KCNMA1: variants seen among roughly 807,000 people sequenced by gnomAD.
KCNMA1 encodes the protein potassium calcium-activated channel subfamily M alpha 1.
Under a neutral mutation model 140.0 loss-of-function variants are expected in KCNMA1, and 29 were observed. The ratio of observed to expected loss-of-function variants is 0.21; its 90% CI spans 0.15 to 0.28. The LOEUF (loss-of-function observed/expected upper bound fraction) is 0.28, where lower values mean the gene tolerates loss of function less well. KCNMA1 is among the 10% of genes least tolerant of loss of function. The pLI, the probability that KCNMA1 is intolerant of heterozygous loss-of-function variation, is 1.00. For missense variants in KCNMA1, 880 were observed against 1,602.2 expected (o/e 0.55, Z 7.70); for synonymous variants, 612 against 611.9 (o/e 1.00, Z 0.00).
intron 5 of KCNMA1, among the ~76,000 whole-genome samples, chr10:77,171,022 G>T (rs950544026): frequency 6.6e-6 from 1 of 152,140 alleles, no homozygotes; most frequent in African/African-American, 2.4e-5. Flanking sequence ...AAATAGCAAG[G>T]TTTACTCTAA....
intron 13 of KCNMA1, among the ~76,000 whole-genome samples, chr10:77,076,283 C>G (rs1242205027): frequency 6.6e-6 from 1 of 152,132 alleles, no homozygotes; most frequent in African/African-American, 2.4e-5. Context: ...AATAAAAAAT[C>G]CACTGAGAGG....
At chr10:77,049,540 A>C (rs190389259) in intron 14 of KCNMA1, among the ~76,000 whole-genome samples, 1 of 152,350 alleles carries the variant, frequency 6.6e-6, no homozygotes, top group African/African-American at 2.4e-5. Flanking sequence ...CCTTAAAGGA[A>C]GAGCTGTCTT....
downstream of KCNMA1, among the ~76,000 whole-genome samples, chr10:76,883,543 G>A (rs995439538): frequency 1.3e-5 from 2 of 152,158 alleles, no homozygotes; most frequent in African/African-American, 4.8e-5. Context: ...AGGCTTCACC[G>A]TGCCTTCTGG....
chr10:77,009,670 C>T (rs1489269154), intron 18 of KCNMA1, among the ~76,000 whole-genome samples: 4 of 152,162 alleles, frequency 2.6e-5, no homozygotes, highest in Non-Finnish European at 5.9e-5. Flanking sequence ...AATCTCATCT[C>T]ATACTACCCT....
At chr10:77,240,341 G>A (rs1387463200) in intron 3 of KCNMA1, among the ~76,000 whole-genome samples, 4 of 152,114 alleles carry the variant, frequency 2.6e-5, no homozygotes, top group East Asian at 1.9e-4. Flanking sequence ...TATTTGCCTC[G>A]AGAAAAATGG....
intron 5 of KCNMA1, among the ~76,000 whole-genome samples, chr10:77,170,565 GAGGCTCCATCCCTGGGAGAACA>G (rs1207205996): frequency 1.1e-4 from 17 of 151,054 alleles, no homozygotes; most frequent in Non-Finnish European, 1.5e-5. Flanking sequence ...GGTCAGAGGT[GAGGCTCCATCCCTGGGAGAACA>G]TCGGAGGTGA....
At chr10:77,280,658 C>G (rs992525925) in intron 2 of KCNMA1, among the ~76,000 whole-genome samples, 1 of 151,426 alleles carries the variant, frequency 6.6e-6, no homozygotes, top group East Asian at 2.0e-4. Flanking sequence ...TCCTGAGTAG[C>G]TGGGACTACA....
At chr10:77,414,339 C>T (rs554903849) in intron 1 of KCNMA1, among the ~76,000 whole-genome samples, 11 of 152,270 alleles carry the variant, frequency 7.2e-5, no homozygotes, top group African/African-American at 2.6e-4. Flanking sequence ...AGGTTCAAAG[C>T]TGCTCTCCCA....
intron 2 of KCNMA1, 150 bp from the exon 3 acceptor site, chr10:77,251,406 T>G (rs1247011991): frequency 8.5e-6 from 6 of 709,838 alleles, no homozygotes; most frequent in Non-Finnish European, 1.5e-5. Context: ...AGCCCCCCAT[T>G]ACTGCTTCAG....
chr10:77,481,262 A>C (rs1231045446), intron 1 of KCNMA1, among the ~76,000 whole-genome samples: 1 of 152,200 alleles, frequency 6.6e-6, no homozygotes, highest in African/African-American at 2.4e-5. Context: ...CCAGAGTCTA[A>C]CTGAAAAATG....
At chr10:77,283,936 G>A (rs1366405755) in intron 2 of KCNMA1, among the ~76,000 whole-genome samples, 1 of 152,214 alleles carries the variant, frequency 6.6e-6, no homozygotes, top group Non-Finnish European at 1.5e-5. Context: ...ACTGGAGCTG[G>A]CATCTGAAGA....
chr10:76,886,545 A>T lies in KCNMA1; in HGVS notation c.*721T>A. On this transcript the variant is annotated 3_prime_UTR_variant, in exon 28 of 28. Transcript: ENST00000286628. The stretch of plus-strand genomic sequence containing the variant: ...ATGACTAGAATTTGATACATCCATG[A>T]TTGGAATACTATTCTCTCCTCCATA... 3 of 985,572 alleles carry T rather than the reference A, an allele frequency of 3.0e-6. No individual in the cohort carries two copies. The highest frequency in any genetic ancestry group is 3.6e-6 in the Non-Finnish European group (3 of 830,060). 61.1% of individuals were successfully genotyped at this position (985,572 alleles called of 1,614,324 possible).
At chr10:77,578,328 C>A (rs1375810711) in intron 1 of KCNMA1, among the ~76,000 whole-genome samples, 1 of 152,192 alleles carries the variant, frequency 6.6e-6, no homozygotes, top group African/African-American at 2.4e-5. Context: ...GCCCGGTGGC[C>A]AAGGGACTCA....
intron 2 of KCNMA1, among the ~76,000 whole-genome samples, chr10:77,269,771 G>A (rs577994935): frequency 3.9e-5 from 6 of 152,244 alleles, no homozygotes; most frequent in Middle Eastern, 3.4e-3. Flanking sequence ...GCAGCTACCT[G>A]GTCTTCAATG....
At chr10:77,420,779 G>A (rs531593464) in intron 1 of KCNMA1, among the ~76,000 whole-genome samples, 61 of 152,274 alleles carry the variant, frequency 4.0e-4, no homozygotes, top group African/African-American at 1.2e-3. Context: ...GCAGGAGGGA[G>A]GCCAAGCATC....
At chr10:77,618,733 G>A (rs1404459154) in intron 1 of KCNMA1, among the ~76,000 whole-genome samples, 1 of 152,218 alleles carries the variant, frequency 6.6e-6, no homozygotes, top group African/African-American at 2.4e-5. Flanking sequence ...AATACCCTAT[G>A]TTCTGTGACA....
At chr10:77,608,781 G>A (rs985035562) in intron 1 of KCNMA1, among the ~76,000 whole-genome samples, 7 of 152,232 alleles carry the variant, frequency 4.6e-5, no homozygotes, top group East Asian at 1.9e-4. Flanking sequence ...AAAAAGAACC[G>A]TTGCATAGAC....
intron 17 of KCNMA1, among the ~76,000 whole-genome samples, chr10:77,015,056 C>T (rs1357773698): frequency 6.6e-6 from 1 of 152,172 alleles, no homozygotes; most frequent in Non-Finnish European, 1.5e-5. Flanking sequence ...ACAGCTCTCT[C>T]TCCTCTCCTC....
intron 1 of KCNMA1, among the ~76,000 whole-genome samples, chr10:77,466,093 C>A (rs1021218690): frequency 1.3e-5 from 2 of 152,182 alleles, no homozygotes; most frequent in Admixed American, 6.5e-5. Context: ...GACCATGAGG[C>A]CCAGGGCTGC....
Sources: allele counts gnomAD v4.1 joint callset (sites outside exome capture counted in the v4.1 genomes callset), GRCh38; gene constraint gnomAD v4.1.1; transcripts MANE v1.5; gene names NCBI Gene and HGNC (gene_info 2026-07-23, HGNC 2026-07-21).